CLDN14: variants seen among roughly 807,000 people sequenced by gnomAD.
CLDN14 encodes claudin-14.
A neutral mutation model predicts 2.1 loss-of-function variants in CLDN14; 2 were observed. The observed-to-expected ratio is 0.96, with a 90% CI of 0.39 to 3.01. The LOEUF is 3.01. Among genes scored for constraint, CLDN14 ranks in the 30% most tolerant of loss-of-function variants. The pLI is 0.09. For missense variants in CLDN14, 298 were observed against 328.0 expected, an observed-to-expected ratio of 0.91 and a Z score of 0.71; for synonymous variants, 136 against 154.4, an observed-to-expected ratio of 0.88 and a Z score of 0.88.
chr21:36,565,718 C>A (rs1179312684), intron 1 of CLDN14, among the ~76,000 whole-genome samples: 6 of 152,184 alleles, frequency 3.9e-5, no homozygotes, highest in Non-Finnish European at 5.9e-5. Context: ...ACCCTGAGAG[C>A]AAATTGGCCC....
intron 1 of CLDN14, among the ~76,000 whole-genome samples, chr21:36,572,641 G>T (rs986340681): frequency 6.6e-6 from 1 of 152,180 alleles, no homozygotes; most frequent in Non-Finnish European, 1.5e-5. Context: ...AGAGGGTGTA[G>T]AAAATCACAT....
At chr21:36,500,251 C>G (rs376474025) in intron 2 of CLDN14, among the ~76,000 whole-genome samples, 1 of 152,126 alleles carries the variant, frequency 6.6e-6, no homozygotes, top group Non-Finnish European at 1.5e-5. Context: ...TACCCGCCCT[C>G]TCAGCCGGGA....
chr21:36,461,615 C>G lies in CLDN14; in HGVS notation c.81G>C (p.Leu27=). The stretch of plus-strand genomic sequence containing the variant: ...CGTGCGCTGTCCTCCGCCAGTGCGG[C>G]AGGATGGTGGTGATCAACGTGCCCA... ...GMVGTLITTI[L]PHWRRTAHVG... Residue 27 remains leucine, a synonymous_variant, in exon 2 of 2, where the codon CTG becomes CTC. Transcript: ENST00000399135. 1 of 1,600,914 alleles carries G rather than the reference C, an allele frequency of 6.2e-7. No homozygotes were observed. Among genetic ancestry groups the G allele is most frequent in the Non-Finnish European group, 8.5e-7 (1 of 1,174,322 alleles).
chr21:36,522,515 C>A (rs1253574822), intron 1 of CLDN14, among the ~76,000 whole-genome samples: 1 of 152,206 alleles, frequency 6.6e-6, no homozygotes, highest in Non-Finnish European at 1.5e-5. Context: ...CCATTTGGGG[C>A]CTGTTCAGCC....
intron 1 of CLDN14, among the ~76,000 whole-genome samples, chr21:36,566,720 A>T (rs1286829793): frequency 6.6e-6 from 1 of 152,228 alleles, no homozygotes; most frequent in Non-Finnish European, 1.5e-5. Flanking sequence ...GTGCACATCA[A>T]GACAAAACAG....
At chr21:36,561,628 C>T (rs1435160735) in intron 1 of CLDN14, among the ~76,000 whole-genome samples, 1 of 152,188 alleles carries the variant, frequency 6.6e-6, no homozygotes, top group Non-Finnish European at 1.5e-5. Flanking sequence ...GGTGAGGAAC[C>T]ATCCAGCAAA....
intron 1 of CLDN14, among the ~76,000 whole-genome samples, chr21:36,570,861 A>G (rs975078185): frequency 6.6e-6 from 1 of 152,194 alleles, no homozygotes; most frequent in African/African-American, 2.4e-5. Flanking sequence ...AAATTTTTTG[A>G]GATGGAGTCT....
At chr21:36,486,439 C>T in intron 2 of CLDN14, 1 of 1,451,612 alleles carries the variant, frequency 6.9e-7, no homozygotes, top group East Asian at 2.3e-5. Flanking sequence ...TCCATAGAAA[C>T]CCGAGGGCCA....
At chr21:36,556,585 T>C (rs1490647615) in intron 1 of CLDN14, among the ~76,000 whole-genome samples, 1 of 152,160 alleles carries the variant, frequency 6.6e-6, no homozygotes, top group Non-Finnish European at 1.5e-5. Context: ...AAACAATGCA[T>C]CCTCAGTGGG....
intron 1 of CLDN14, among the ~76,000 whole-genome samples, chr21:36,524,007 G>A (rs1352137165): frequency 2.6e-5 from 4 of 151,912 alleles, no homozygotes; most frequent in Non-Finnish European, 2.9e-5. Context: ...GGACACAGGT[G>A]ACCTCAACAG....
At chr21:36,493,747 G>A (rs2086990494) in intron 2 of CLDN14, among the ~76,000 whole-genome samples, 2 of 152,098 alleles carry the variant, frequency 1.3e-5, no homozygotes, top group Non-Finnish European at 2.9e-5. Flanking sequence ...ATTGGAGGAG[G>A]CCCCATTTCA....
At chr21:36,489,129 AAAAT>A (rs1488535263) in intron 2 of CLDN14, among the ~76,000 whole-genome samples, 13 of 79,038 alleles carry the variant, frequency 1.6e-4, no homozygotes, top group South Asian at 5.2e-4. Context: ...AAAAAAAAAA[AAAAT>A]ATATATATAT....
At position 36,460,782 on chromosome 21, in the gene CLDN14, T is replaced by C; in HGVS notation, c.*194A>G. On this transcript the variant is annotated 3_prime_UTR_variant, in exon 2 of 2. Transcript: ENST00000399135. The surrounding 1 kb of genome is among the most constrained non-coding windows in gnomAD (Gnocchi z 4.0). ...CAGGATTTTTTTTTTCAGTCTTTGG[T>C]ATAGAGAGCTTTCTCCTCCTCTTAT... 1.6e-6 allele frequency: 1 copy of C among 621,996 alleles called. No homozygotes were observed. The highest frequency in any genetic ancestry group is 2.8e-6 in the Non-Finnish European group (1 of 360,578). The allele number at this position is 621,996 out of a possible 1,614,324, so 38.5% of individuals were successfully genotyped here.
At chr21:36,489,131 A>AAAAAAAAAAAAAATATAT in intron 2 of CLDN14, among the ~76,000 whole-genome samples, 4 of 62,736 alleles carry the variant, frequency 6.4e-5, no homozygotes, top group Non-Finnish European at 6.0e-5. Context: ...AAAAAAAAAA[A>AAAAAAAAAAAAAATATAT]ATATATATAT....
intron 2 of CLDN14, among the ~76,000 whole-genome samples, chr21:36,506,231 C>T (rs1030987453): frequency 3.1e-4 from 47 of 152,290 alleles, no homozygotes; most frequent in African/African-American, 1.1e-3. Flanking sequence ...GCAAAGAGTT[C>T]CAAGACACAA....
intron 2 of CLDN14, among the ~76,000 whole-genome samples, chr21:36,485,551 A>G (rs1178670006): frequency 2.0e-5 from 3 of 152,170 alleles, no homozygotes; most frequent in Non-Finnish European, 4.4e-5. Flanking sequence ...CACTTCTGTC[A>G]CCAGCGATAC....
intron 1 of CLDN14, among the ~76,000 whole-genome samples, chr21:36,476,673 G>A (rs998304901): frequency 2.0e-5 from 3 of 152,108 alleles, no homozygotes; most frequent in African/African-American, 4.8e-5. Context: ...GGCTGGTCTC[G>A]AACTCCTGAC....
At chr21:36,515,248 T>C (rs2087218397) in intron 1 of CLDN14, among the ~76,000 whole-genome samples, 1 of 152,232 alleles carries the variant, frequency 6.6e-6, no homozygotes. Context: ...AAACAGTCTT[T>C]GTACCCCAGT....
intron 1 of CLDN14, among the ~76,000 whole-genome samples, chr21:36,478,363 C>A (rs1226657159): frequency 6.6e-6 from 1 of 152,196 alleles, no homozygotes; most frequent in Non-Finnish European, 1.5e-5. Flanking sequence ...GCAAGCTGCT[C>A]AGCCTATTAC....
Sources: gnomAD v4.1 joint callset for allele counts (sites outside exome capture counted in the v4.1 genomes callset) on GRCh38, gnomAD v4.1.1 for gene constraint, Gnocchi (gnomAD v3.1) non-coding constraint, MANE v1.5 for transcripts, NCBI Gene and HGNC (gene_info 2026-07-23, HGNC 2026-07-21) for gene names.